GPM6B: variants seen among roughly 807,000 people sequenced by gnomAD.
GPM6B encodes neuronal membrane glycoprotein M6-b.
Under a neutral mutation model 27.2 loss-of-function variants are expected in GPM6B, and 4 were observed. The observed-to-expected ratio is 0.15, with a 90% CI of 0.07 to 0.34. GPM6B has a LOEUF of 0.34. GPM6B is among the 10% of genes least tolerant of loss of function. GPM6B has a pLI of 1.00. For synonymous variants in GPM6B, 124 were observed against 103.1 expected, an observed-to-expected ratio of 1.20 and a Z score of -1.23; for missense variants, 183 against 261.9, an observed-to-expected ratio of 0.70 and a Z score of 2.08.
At chrX:13,919,124 C>A (rs751720231) in intron 1 of GPM6B, among the ~76,000 whole-genome samples, 3 of 111,851 alleles carry the variant, frequency 2.7e-5, no homozygotes, top group Non-Finnish European at 5.6e-5. Flanking sequence ...GGCAAACAGT[C>A]TGGAGGTGGG....
At chrX:13,776,863 A>G (rs1049125602) in intron 6 of GPM6B, among the ~76,000 whole-genome samples, 2 of 112,296 alleles carry the variant, frequency 1.8e-5, no homozygotes, top group African/African-American at 6.5e-5. Flanking sequence ...TTAGAGAAGT[A>G]GCAAGTCATT....
At chrX:13,776,434 C>T (rs1393270028) in intron 6 of GPM6B, 131 bp from the exon 7 acceptor site, 4 of 488,518 alleles carry the variant, frequency 8.2e-6, no homozygotes, top group Non-Finnish European at 1.4e-5. Flanking sequence ...CCTGCCTTCT[C>T]TTCATGCTCT....
chrX:13,821,470 T>C (rs1415621648), upstream of GPM6B, among the ~76,000 whole-genome samples: 2 of 112,934 alleles, frequency 1.8e-5, no homozygotes, highest in African/African-American at 6.4e-5. Context: ...GAATCCCATG[T>C]AGACCTCTAT....
At chrX:13,817,847 T>C (rs974024028), upstream of GPM6B, among the ~76,000 whole-genome samples, 4 of 112,290 alleles carry the variant, frequency 3.6e-5, no homozygotes, top group African/African-American at 1.3e-4. Context: ...CACCCTTCCT[T>C]ATTTAAAAAT....
intron 2 of GPM6B, among the ~76,000 whole-genome samples, chrX:13,794,186 C>CTT (rs373995174): frequency 2.0e-5 from 2 of 100,516 alleles, no homozygotes; most frequent in Non-Finnish European, 2.0e-5. Context: ...CTCTCTCTCT[C>CTT]TTTTTTTTTT....
chrX:13,903,640 C>T (rs1407627163), intron 1 of GPM6B, among the ~76,000 whole-genome samples: 1 of 112,252 alleles, frequency 8.9e-6, no homozygotes, highest in Non-Finnish European at 1.9e-5. Context: ...CACCGTCATC[C>T]AACACCAATG....
chrX:13,817,228 G>A (rs994343724), upstream of GPM6B: 23 of 847,742 alleles, frequency 2.7e-5, no homozygotes, highest in Non-Finnish European at 3.1e-5. Flanking sequence ...TTGGGGGTAG[G>A]GGGGTGGGGG....
At chrX:13,802,621 A>G (rs1223499971) in intron 2 of GPM6B, among the ~76,000 whole-genome samples, 1 of 111,360 alleles carries the variant, frequency 9.0e-6, no homozygotes, top group African/African-American at 3.3e-5. Context: ...ACTGCTGTAT[A>G]TGGCACTTTT....
At chrX:13,815,973 A>T (rs906369552) in intron 1 of GPM6B, among the ~76,000 whole-genome samples, 5 of 112,009 alleles carry the variant, frequency 4.5e-5, no homozygotes, top group Non-Finnish European at 9.4e-5. Flanking sequence ...TTGGGCATTT[A>T]TGACAGTCTA....
At chrX:13,803,501 G>C in intron 2 of GPM6B, among the ~76,000 whole-genome samples, 1 of 112,026 alleles carries the variant, frequency 8.9e-6, no homozygotes, top group South Asian at 3.7e-4. Flanking sequence ...TGAAACATCA[G>C]AGCATTTTGG....
At chrX:13,930,834 A>T (rs1921476080) in intron 1 of GPM6B, among the ~76,000 whole-genome samples, 1 of 112,193 alleles carries the variant, frequency 8.9e-6, no homozygotes, top group Non-Finnish European at 1.9e-5. Flanking sequence ...AAACATTTCT[A>T]CAAAGAAAAC....
chrX:13,834,892 T>C (rs1325804829), intron 1 of GPM6B, among the ~76,000 whole-genome samples: 1 of 112,499 alleles, frequency 8.9e-6, no homozygotes, highest in African/African-American at 3.2e-5. Context: ...CTCATCTGTT[T>C]ACTTAATGGA....
chrX:13,906,161 C>T (rs984856767), intron 1 of GPM6B, among the ~76,000 whole-genome samples: 1 of 112,116 alleles, frequency 8.9e-6, no homozygotes, highest in East Asian at 2.8e-4. Context: ...TTTTCTTCAC[C>T]CCCTTTCACT....
intron 1 of GPM6B, among the ~76,000 whole-genome samples, chrX:13,827,271 C>CT (rs1173680918): frequency 0.019 from 1,410 of 73,553 alleles, 26 homozygotes; most frequent in African/African-American, 0.024. Flanking sequence ...TACCGACTTC[C>CT]TTTTTTTTTT....
At chrX:13,837,621 A>G (rs974008554) in intron 1 of GPM6B, among the ~76,000 whole-genome samples, 18 of 103,908 alleles carry the variant, frequency 1.7e-4, no homozygotes, top group Admixed American at 9.7e-4. Flanking sequence ...CCAAAAAAAG[A>G]GTCTGATGGG....
chrX:13,908,057 G>A (rs1008905949), intron 1 of GPM6B, among the ~76,000 whole-genome samples: 1 of 111,998 alleles, frequency 8.9e-6, no homozygotes, highest in Non-Finnish European at 1.9e-5. Flanking sequence ...CTTATATTGT[G>A]ATATGGCACA....
intron 1 of GPM6B, among the ~76,000 whole-genome samples, chrX:13,897,081 GT>G (rs1163779183): frequency 8.9e-6 from 1 of 112,388 alleles, no homozygotes; most frequent in East Asian, 2.8e-4. Flanking sequence ...AAAAGTCTGT[GT>G]TTGCTTGTGT....
chrX:13,906,584 A>G (rs2050333537), intron 1 of GPM6B, among the ~76,000 whole-genome samples: 1 of 112,380 alleles, frequency 8.9e-6, no homozygotes, highest in Non-Finnish European at 1.9e-5. Flanking sequence ...GATGTACTCT[A>G]TATCACTCAT....
intron 1 of GPM6B, among the ~76,000 whole-genome samples, chrX:13,816,488 A>G (rs1358671010): frequency 8.9e-6 from 1 of 111,752 alleles, no homozygotes; most frequent in Non-Finnish European, 1.9e-5. Context: ...TTAGCAGAAA[A>G]CTACACATTC....
Sources: gnomAD v4.1 joint callset for allele counts (sites outside exome capture counted in the v4.1 genomes callset) on GRCh38, gnomAD v4.1.1 for gene constraint, MANE v1.5 for transcripts, NCBI Gene and HGNC (gene_info 2026-07-23, HGNC 2026-07-21) for gene names.